CCDC30: variants seen among roughly 807,000 people sequenced by gnomAD.
The protein encoded by CCDC30 is coiled-coil domain-containing protein 30.
In CCDC30, 70 loss-of-function variants were observed where a neutral mutation model predicts 100.2. That is an observed-to-expected ratio of 0.70 (90% CI 0.58 to 0.85). CCDC30 has a LOEUF of 0.85. Among genes scored for constraint, CCDC30 ranks in the 40% least tolerant of loss-of-function variants. The pLI is 0.00. For synonymous variants in CCDC30, 233 were observed against 269.5 expected (o/e 0.86, Z 1.33); for missense variants, 652 against 771.2 (o/e 0.85, Z 1.83).
rs766765253 is a variant in CCDC30 at position 42,539,296 on chromosome 1, G to A, written c.457-27000G>A. On this transcript the variant is annotated intron_variant, in intron 6 of 16. Transcript: ENST00000668663. ...TGACCTGTTACAAAGAGAGAATTCT[G>A]AATTAGAAACAAAGGTGAGACTGAG... 65 of 1,590,786 alleles carry A rather than the reference G, an allele frequency of 4.1e-5. No homozygotes were observed. Among genetic ancestry groups the A allele is most frequent in the Non-Finnish European group, 5.4e-5 (63 of 1,171,180 alleles).
chr1:42,541,247 G>GC lies in CCDC30; in HGVS notation c.457-25049_457-25048insC, dbSNP rs1352975711. On this transcript the variant is annotated intron_variant, in intron 6 of 16. Coordinates refer to ENST00000668663, the Ensembl canonical transcript of CCDC30. ...CTTCACATGGCCAACAGCAAAGAGA[G>GC]AGAGAGAGTGCAAGCTTTTTCCTGT... is the stretch of plus-strand genomic sequence containing the variant. 3.3e-4 allele frequency among the ~76,000 whole-genome samples: 51 copies of GC among 152,348 alleles called. No individual in the cohort carries two copies. In the South Asian group the frequency reaches 7.3e-3, roughly 22 times the overall value.
chr1:42,640,453 A>G (rs1647302455), intron 12 of CCDC30, among the ~76,000 whole-genome samples: 1 of 152,170 alleles, frequency 6.6e-6, no homozygotes, highest in Non-Finnish European at 1.5e-5. Flanking sequence ...TCTATTCTCA[A>G]TCCTTACCAA....
intron 15 of CCDC30, among the ~76,000 whole-genome samples, chr1:42,652,579 TA>T (rs1648444417): frequency 6.6e-6 from 1 of 152,148 alleles, no homozygotes; most frequent in East Asian, 1.9e-4. Flanking sequence ...AACTTGTAGA[TA>T]AATATTCATA....
chr1:42,533,528 C>G (rs1416201153), intron 6 of CCDC30, among the ~76,000 whole-genome samples: 1 of 152,206 alleles, frequency 6.6e-6, no homozygotes, highest in Admixed American at 6.5e-5. Flanking sequence ...CCAGGTTTAT[C>G]TGGCCCCAGG....
At chr1:42,470,488 G>A (rs1643733468) in intron 1 of CCDC30, among the ~76,000 whole-genome samples, 1 of 152,094 alleles carries the variant, frequency 6.6e-6, no homozygotes, top group Admixed American at 6.5e-5. Flanking sequence ...ATTGAAAACA[G>A]GGATTCAAAT....
chr1:42,457,187 A>G, the CCDC30 span: 9 of 1,607,068 alleles, frequency 5.6e-6, no homozygotes, highest in Non-Finnish European at 6.8e-6. Context: ...CGAGTTGAGA[A>G]GGAGCTGATC....
rs142449254 is a variant in CCDC30 at position 42,617,703 on chromosome 1, G to T, written c.1277+6613G>T. 2.2e-3 allele frequency among the ~76,000 whole-genome samples: 334 copies of T among 152,246 alleles called. 2 individuals carry two copies. Among genetic ancestry groups the T allele is most frequent in the African/African-American group, 7.9e-3 (327 of 41,542 alleles). ...GCACTGAGTCAGTTCCTGGGTGGGGGCCACAAGACCACATGAGCCAGTTTA... is the reference window on the plus strand; with the variant it reads ...GCACTGAGTCAGTTCCTGGGTGGGGTCCACAAGACCACATGAGCCAGTTTA... On this transcript the variant is annotated intron_variant, in intron 11 of 16. Coordinates refer to ENST00000668663, the Ensembl canonical transcript of CCDC30.
intron 10 of CCDC30, chr1:42,595,164 G>A (rs918530138): frequency 3.3e-5 from 5 of 151,950 alleles, no homozygotes; most frequent in Non-Finnish European, 7.4e-5. Flanking sequence ...ATTACTACAA[G>A]TCTAGATCCG....
At chr1:42,622,819 A>T (rs1304326949) in intron 11 of CCDC30, among the ~76,000 whole-genome samples, 2 of 152,088 alleles carry the variant, frequency 1.3e-5, no homozygotes, top group African/African-American at 4.8e-5. Flanking sequence ...TGTTCTCCAT[A>T]GTGGTTGTAC....
At chr1:42,605,926 A>G (rs532040027) in intron 10 of CCDC30, among the ~76,000 whole-genome samples, 6 of 152,348 alleles carry the variant, frequency 3.9e-5, no homozygotes, top group African/African-American at 9.6e-5. Context: ...GTCCACTTGT[A>G]TGCAGATTCT....
intron 6 of CCDC30, among the ~76,000 whole-genome samples, chr1:42,507,654 C>A (rs1017284751): frequency 6.6e-6 from 1 of 152,110 alleles, no homozygotes; most frequent in Non-Finnish European, 1.5e-5. Context: ...TAACTCATAG[C>A]AATTTTTAAC....
At chr1:42,546,513 A>G (rs4596941) in intron 6 of CCDC30, among the ~76,000 whole-genome samples, 55,934 of 143,290 alleles carry the variant, frequency 0.39, 11,832 homozygotes, top group East Asian at 0.59. Context: ...AGTATAAGGA[A>G]ATTATAACAA....
At chr1:42,474,052 TCTCAGGTTGCCTGGGAATCA>T (rs1327969472) in intron 1 of CCDC30, among the ~76,000 whole-genome samples, 5 of 152,184 alleles carry the variant, frequency 3.3e-5, no homozygotes, top group Non-Finnish European at 5.9e-5. Context: ...TAATGAATTA[TCTCAGGTTGCCTGGGAATCA>T]CTCTGCTATG....
intron 10 of CCDC30, among the ~76,000 whole-genome samples, chr1:42,599,543 A>C (rs1478333525): frequency 6.6e-6 from 1 of 152,234 alleles, no homozygotes; most frequent in Non-Finnish European, 1.5e-5. Flanking sequence ...AATATGGTAG[A>C]TATCAATCCA....
At chr1:42,598,714 T>C (rs1646341815) in intron 10 of CCDC30, among the ~76,000 whole-genome samples, 1 of 151,976 alleles carries the variant, frequency 6.6e-6, no homozygotes, top group African/African-American at 2.4e-5. Context: ...AAGTTGGTCA[T>C]GCCACTGCAC....
chr1:42,577,003 T>G lies in CCDC30; in HGVS notation c.637-17T>G, dbSNP rs375549791. On this transcript the variant is annotated splice_polypyrimidine_tract_variant and intron_variant, in intron 7 of 16. Coordinates refer to ENST00000668663, the Ensembl canonical transcript of CCDC30. ...CCACACTTATTTGTATTACTCTTACTTATTCTCTACCTCTAGATAAAGATT... is the reference window on the plus strand; with the variant it reads ...CCACACTTATTTGTATTACTCTTACGTATTCTCTACCTCTAGATAAAGATT... 2.5e-6 allele frequency: 4 copies of G among 1,569,626 alleles called. No homozygotes were observed. Among genetic ancestry groups the G allele is most frequent in the Admixed American group, 3.4e-5 (2 of 59,592 alleles).
At chr1:42,505,730 A>G (rs1213617924) in intron 6 of CCDC30, among the ~76,000 whole-genome samples, 1 of 152,178 alleles carries the variant, frequency 6.6e-6, no homozygotes, top group Admixed American at 6.5e-5. Context: ...GAGTTGGGTG[A>G]TCCTTTCCTC....
chr1:42,505,336 A>G (rs1198267259), intron 6 of CCDC30, among the ~76,000 whole-genome samples: 1 of 152,146 alleles, frequency 6.6e-6, no homozygotes, highest in Non-Finnish European at 1.5e-5. Context: ...TACATTACCC[A>G]TACATTTTTC....
intron 6 of CCDC30, chr1:42,536,582 C>T (rs745914200): frequency 6.2e-7 from 1 of 1,610,740 alleles, no homozygotes; most frequent in Admixed American, 1.7e-5. Context: ...GCAGAGAAGG[C>T]CTTGAAAGTT....
Sources: gnomAD v4.1 joint callset for allele counts (sites outside exome capture counted in the v4.1 genomes callset) on GRCh38, gnomAD v4.1.1 for gene constraint, MANE v1.5 for transcripts, NCBI Gene and HGNC (gene_info 2026-07-23, HGNC 2026-07-21) for gene names.